ABTB2: variants seen among roughly 807,000 people sequenced by gnomAD.
The protein encoded by ABTB2 is ankyrin repeat and BTB domain containing 2, also known as ankyrin repeat and BTB/POZ domain-containing protein 2.
In ABTB2, 56 loss-of-function variants were observed where a neutral mutation model predicts 104.1. That is an observed-to-expected ratio of 0.54 (90% confidence interval 0.43 to 0.67). ABTB2 has a LOEUF of 0.67. Among genes scored for constraint, ABTB2 ranks in the 30% least tolerant of loss-of-function variants. The pLI is 0.00. For missense variants in ABTB2, 1,279 were observed against 1,407.7 expected (o/e 0.91, Z 1.46); for synonymous variants, 606 against 608.2 (o/e 1.00, Z 0.05).
chr11:34,157,013 C>T (rs1472018462), intron 14 of ABTB2, among the ~76,000 whole-genome samples: 1 of 152,134 alleles, frequency 6.6e-6, no homozygotes, highest in Non-Finnish European at 1.5e-5. Flanking sequence ...CTGTTTCCTC[C>T]TCCAGAAAAC....
intron 1 of ABTB2, among the ~76,000 whole-genome samples, chr11:34,293,984 T>C (rs149245955): frequency 1.2e-3 from 187 of 152,316 alleles, no homozygotes; most frequent in African/African-American, 4.1e-3. Flanking sequence ...AAATGAAGTA[T>C]GAAAATTCTT....
chr11:34,278,162 A>G (rs1294593100), intron 1 of ABTB2, among the ~76,000 whole-genome samples: 1 of 152,052 alleles, frequency 6.6e-6, no homozygotes, highest in Non-Finnish European at 1.5e-5. Context: ...AATCTACAGA[A>G]GGAGCAGGAT....
chr11:34,263,568 G>A (rs1481124606), intron 1 of ABTB2, among the ~76,000 whole-genome samples: 1 of 152,124 alleles, frequency 6.6e-6, no homozygotes. Context: ...GATTGGAAGT[G>A]CTAGGCTCTT....
chr11:34,303,696 G>A (rs1854737915), intron 1 of ABTB2, among the ~76,000 whole-genome samples: 1 of 136,996 alleles, frequency 7.3e-6, no homozygotes, highest in Non-Finnish European at 1.5e-5. Context: ...AGGCTGGAGT[G>A]CAGTGGCGTG....
At chr11:34,257,414 G>A (rs1854137292) in intron 1 of ABTB2, among the ~76,000 whole-genome samples, 1 of 152,138 alleles carries the variant, frequency 6.6e-6, no homozygotes, top group East Asian at 1.9e-4. Flanking sequence ...CACTAGAAAC[G>A]GGCACAGAAC....
At chr11:34,344,525 C>A (rs1263597053) in intron 1 of ABTB2, among the ~76,000 whole-genome samples, 2 of 152,196 alleles carry the variant, frequency 1.3e-5, no homozygotes, top group Non-Finnish European at 2.9e-5. Flanking sequence ...CAGGGTCTCA[C>A]TCTGTTGCCC....
chr11:34,356,277 T>C lies in ABTB2; in HGVS notation c.883+424A>G, dbSNP rs902003533. On this transcript the variant is annotated intron_variant, in intron 1 of 16. Transcript: ENST00000435224. The surrounding 1 kb of genome is among the most constrained non-coding windows in gnomAD (Gnocchi z 4.6). ...AGTTGGGACCCTTTGGTTGCTGCTA[T>C]TGAGCTGGGGAAAACTAGGGGGCAG... Among the ~76,000 whole-genome samples the C allele has an allele frequency of 5.3e-5, 8 of 152,172 alleles. No homozygotes were observed. The highest frequency in any genetic ancestry group is 1.9e-4 in the African/African-American group (8 of 41,426).
intron 1 of ABTB2, among the ~76,000 whole-genome samples, chr11:34,215,970 T>C (rs1853545054): frequency 6.6e-6 from 1 of 152,210 alleles, no homozygotes; most frequent in African/African-American, 2.4e-5. Flanking sequence ...TGTGATTTAC[T>C]CACCACAGAT....
chr11:34,295,442 T>G (rs117999972), intron 1 of ABTB2, among the ~76,000 whole-genome samples: 8 of 152,300 alleles, frequency 5.3e-5, no homozygotes, highest in Non-Finnish European at 1.2e-4. Flanking sequence ...TTCTTCTGAT[T>G]GCTTCTGTAA....
intron 1 of ABTB2, among the ~76,000 whole-genome samples, chr11:34,218,942 G>A (rs1853582060): frequency 6.6e-6 from 1 of 151,470 alleles, no homozygotes; most frequent in Admixed American, 6.6e-5. Flanking sequence ...CCTATTTCTG[G>A]GCTCTCTATT....
intron 1 of ABTB2, among the ~76,000 whole-genome samples, chr11:34,248,623 G>A (rs1487319442): frequency 6.6e-6 from 1 of 152,192 alleles, no homozygotes; most frequent in Non-Finnish European, 1.5e-5. Flanking sequence ...TACTGTTTGG[G>A]CCTTTGATGT....
At chr11:34,271,742 C>G (rs1248802831) in intron 1 of ABTB2, among the ~76,000 whole-genome samples, 1 of 92,774 alleles carries the variant, frequency 1.1e-5, no homozygotes, top group Non-Finnish European at 2.5e-5. Context: ...CAAATACATA[C>G]ATACATACAT....
chr11:34,207,780 A>C (rs1179765503), intron 1 of ABTB2, among the ~76,000 whole-genome samples: 2 of 152,246 alleles, frequency 1.3e-5, no homozygotes, highest in East Asian at 3.8e-4. Context: ...GAAATAAATG[A>C]CATTCTAACT....
chr11:34,182,849 C>T (rs4756113), intron 3 of ABTB2, among the ~76,000 whole-genome samples: 61,252 of 151,854 alleles, frequency 0.4, 13,377 homozygotes, highest in East Asian at 0.81. Flanking sequence ...CCTGATGTAG[C>T]AGGTACTATT....
chr11:34,155,491 T>C lies in ABTB2; in HGVS notation c.2698-722A>G, dbSNP rs1390254531. The stretch of plus-strand genomic sequence containing the variant: ...CAAACTCTGCCATCACGCTGGAGCC[T>C]AGTGAGGTTCCCAGTTGGAAAAAGA... On this transcript the variant is annotated intron_variant, in intron 14 of 16. Transcript: ENST00000435224. 3.3e-5 allele frequency among the ~76,000 whole-genome samples: 5 copies of C among 152,204 alleles called. No individual in the cohort carries two copies. The East Asian group carries it at 9.6e-4, about 29-fold the overall frequency.
chr11:34,320,911 G>A (rs974240849), intron 1 of ABTB2, among the ~76,000 whole-genome samples: 8 of 152,142 alleles, frequency 5.3e-5, no homozygotes, highest in African/African-American at 1.2e-4. Context: ...GGCCAAGTGC[G>A]GTGGCTCACG....
chr11:34,303,778 G>A (rs2133100598), intron 1 of ABTB2, among the ~76,000 whole-genome samples: 2 of 151,740 alleles, frequency 1.3e-5, no homozygotes, highest in Middle Eastern at 6.8e-3. Context: ...GAGTAGTTGG[G>A]ATTACAGATG....
At chr11:34,197,200 G>T in intron 3 of ABTB2, 125 bp downstream of exon 3, 1 of 1,048,226 alleles carries the variant, frequency 9.5e-7, no homozygotes, top group Non-Finnish European at 1.5e-6. Context: ...CTCCTCACAG[G>T]CATAGCACAG....
At chr11:34,296,988 A>G (rs773874612) in intron 1 of ABTB2, among the ~76,000 whole-genome samples, 8 of 152,130 alleles carry the variant, frequency 5.3e-5, no homozygotes, top group South Asian at 4.1e-4. Flanking sequence ...GAAATTTACC[A>G]CCTATCCTAT....
Sources: allele counts gnomAD v4.1 joint callset (sites outside exome capture counted in the v4.1 genomes callset), GRCh38; gene constraint gnomAD v4.1.1; non-coding constraint Gnocchi (gnomAD v3.1); transcripts MANE v1.5; gene names NCBI Gene and HGNC (gene_info 2026-07-23, HGNC 2026-07-21).